The following MIA2 variants were observed in gnomAD, a reference collection of about 807,000 sequenced individuals.
The protein encoded by MIA2 is melanoma inhibitory activity protein 2.
A neutral mutation model predicts 167.8 loss-of-function variants in MIA2; 127 were observed. The ratio of observed to expected loss-of-function variants is 0.76; its 90% CI spans 0.66 to 0.88. MIA2 has a LOEUF of 0.88. MIA2 is among the 40% of genes least tolerant of loss of function. MIA2 has a pLI of 0.00. For missense variants in MIA2, 1,690 were observed against 1,624.7 expected (o/e 1.04, Z -0.69); for synonymous variants, 552 against 541.9 (o/e 1.02, Z -0.26).
At chr14:39,264,286 T>C (rs1196413672) in intron 6 of MIA2, among the ~76,000 whole-genome samples, 1 of 152,226 alleles carries the variant, frequency 6.6e-6, no homozygotes, top group Non-Finnish European at 1.5e-5. Flanking sequence ...ACTTCATTTT[T>C]TATGGCTGCA....
Position 39,293,373 on chromosome 14 carries a change from G to A in MIA2, c.2311G>A (p.Asp771Asn). Reference protein sequence around the residue: ...KEEKSKHSEQDELMADISKRI... With the variant: ...KEEKSKHSEQNELMADISKRI... ...AGAGAAATCCAAACATTCTGAACAA[G>A]ATGAATTGGTAAGGCTTTTTTATTT... Residue 771 changes from aspartate (D) to asparagine (N), a missense_variant, in exon 11 of 29, where the codon GAT (aspartate) becomes AAT (asparagine). By Grantham distance (23) the Asp-to-Asn change is conservative (BLOSUM62 1). Coordinates refer to ENST00000640607, the MANE Select transcript of MIA2 (RefSeq NM_001329214.4). The A allele has an allele frequency of 6.4e-7, 1 of 1,574,700 alleles. No homozygotes were observed. Among genetic ancestry groups the A allele is most frequent in the Non-Finnish European group, 8.7e-7 (1 of 1,150,656 alleles).
At chr14:39,304,433 T>G in intron 17 of MIA2, 52 bp downstream of exon 17, 17 of 969,436 alleles carry the variant, frequency 1.8e-5, no homozygotes, top group African/African-American at 3.4e-5. Context: ...AGTACATCTC[T>G]TGGCAGAGAA....
chr14:39,292,892 T>A (rs1263155009), intron 10 of MIA2, among the ~76,000 whole-genome samples: 1 of 152,196 alleles, frequency 6.6e-6, no homozygotes, highest in Non-Finnish European at 1.5e-5. Context: ...TTATTTCTCA[T>A]TTTTTTCTTT....
chr14:39,299,180 C>T (rs1490809193), intron 13 of MIA2, among the ~76,000 whole-genome samples: 2 of 148,448 alleles, frequency 1.3e-5, no homozygotes, highest in Admixed American at 6.7e-5. Flanking sequence ...TTTATGTAGT[C>T]AAGTCTACCT....
intron 23 of MIA2, among the ~76,000 whole-genome samples, chr14:39,379,180 G>C (rs2075104557): frequency 6.6e-6 from 1 of 151,666 alleles, no homozygotes; most frequent in African/African-American, 2.4e-5. Flanking sequence ...AATGCTCCAA[G>C]AAAACCTTGT....
intron 20 of MIA2, 122 bp from the exon 21 acceptor site, chr14:39,315,561 C>T: frequency 2.9e-6 from 2 of 687,370 alleles, no homozygotes; most frequent in Non-Finnish European, 5.0e-6. Context: ...AAAAATGTTG[C>T]CTACTCTTCA....
chr14:39,330,786 C>T (rs2068692452), intron 25 of MIA2, among the ~76,000 whole-genome samples: 1 of 152,158 alleles, frequency 6.6e-6, no homozygotes, highest in Non-Finnish European at 1.5e-5. Context: ...GAGTGAATTT[C>T]TTAATCCTGA....
intron 2 of MIA2, among the ~76,000 whole-genome samples, chr14:39,238,809 A>AC (rs1196081439): frequency 0.014 from 2,071 of 146,572 alleles, 175 homozygotes; most frequent in African/African-American, 0.047. Context: ...AAAAAAAAAA[A>AC]AACCCAAAAA....
At chr14:39,279,629 A>C (rs1352270836) in intron 9 of MIA2, 92 bp downstream of exon 9, 34 of 812,686 alleles carry the variant, frequency 4.2e-5, no homozygotes, top group Non-Finnish European at 3.9e-6. Flanking sequence ...AAGATTATGA[A>C]TGCTTTGTTT....
intron 23 of MIA2, among the ~76,000 whole-genome samples, chr14:39,384,792 TCA>T (rs760872745): frequency 4.0e-5 from 6 of 150,706 alleles, no homozygotes; most frequent in East Asian, 1.9e-4. Context: ...ACGCGCACAC[TCA>T]CACACACACA....
intron 6 of MIA2, among the ~76,000 whole-genome samples, chr14:39,272,309 G>A (rs890077140): frequency 4.6e-5 from 7 of 152,242 alleles, no homozygotes; most frequent in Non-Finnish European, 8.8e-5. Context: ...CTGAGATTGC[G>A]CCATTGCACT....
downstream of MIA2, among the ~76,000 whole-genome samples, chr14:39,355,668 A>C (rs1302921191): frequency 6.6e-6 from 1 of 152,158 alleles, no homozygotes; most frequent in Non-Finnish European, 1.5e-5. Flanking sequence ...TTGCCCATTC[A>C]GTATGATATT....
At chr14:39,303,573 G>C (rs772301797) in intron 16 of MIA2, 49 bp downstream of exon 16, 17 of 1,338,958 alleles carry the variant, frequency 1.3e-5, no homozygotes, top group Admixed American at 9.1e-5. Context: ...GAAAGAGAAC[G>C]TGGATTACTC....
chr14:39,308,357 T>C (rs534790385), intron 17 of MIA2, 92 bp from the exon 18 acceptor site: 31 of 771,966 alleles, frequency 4.0e-5, no homozygotes, highest in South Asian at 3.1e-4. Context: ...TTATTAATAA[T>C]TTATTATTTT....
chr14:39,301,917 AC>A (rs1390978279), intron 14 of MIA2, among the ~76,000 whole-genome samples: 3 of 152,206 alleles, frequency 2.0e-5, no homozygotes, highest in Admixed American at 1.3e-4. Context: ...TTTGGGAATA[AC>A]TAGTTTTGGC....
intron 27 of MIA2, 47 bp downstream of exon 27, chr14:39,347,818 C>CTTTTTTT (rs59832680): frequency 2.4e-4 from 166 of 706,248 alleles, no homozygotes; most frequent in Admixed American, 6.4e-4. Flanking sequence ...CAGAAGCCTT[C>CTTTTTTT]TTTTTTTTTT....
intron 23 of MIA2, among the ~76,000 whole-genome samples, chr14:39,383,434 C>G (rs1265783948): frequency 6.6e-6 from 1 of 152,196 alleles, no homozygotes; most frequent in Admixed American, 6.5e-5. Flanking sequence ...GTTCTGACTA[C>G]TTTCCCCATC....
At chr14:39,375,234 G>C (rs1455466792) in intron 23 of MIA2, among the ~76,000 whole-genome samples, 2 of 152,262 alleles carry the variant, frequency 1.3e-5, no homozygotes, top group East Asian at 3.9e-4. Context: ...TGAATAATTG[G>C]CTCTGTTGAT....
At chr14:39,277,676 A>T (rs1344006170) in intron 7 of MIA2, among the ~76,000 whole-genome samples, 5 of 12,142 alleles carry the variant, frequency 4.1e-4, no homozygotes, top group East Asian at 4.3e-3. Flanking sequence ...GATCTTTTAT[A>T]TATATATATA....
Sources: gnomAD v4.1 joint callset for allele counts (sites outside exome capture counted in the v4.1 genomes callset) on GRCh38, gnomAD v4.1.1 for gene constraint, MANE v1.5 for transcripts, NCBI Gene and HGNC (gene_info 2026-07-23, HGNC 2026-07-21) for gene names.